Variants in PIK3IP1 observed in about 807,000 individuals in gnomAD.
PIK3IP1 encodes the protein phosphoinositide-3-kinase interacting protein 1.
A neutral mutation model predicts 30.7 loss-of-function variants in PIK3IP1; 28 were observed. The ratio of observed to expected loss-of-function variants is 0.91; its 90% CI spans 0.68 to 1.25. The LOEUF (loss-of-function observed/expected upper bound fraction) is 1.25. PIK3IP1 is among the 50% of genes most tolerant of loss of function. The probability of loss-of-function intolerance (pLI) is 0.00; values close to 1 mark genes in which losing one functional copy is unlikely to be tolerated. For missense variants in PIK3IP1, 333 were observed against 346.2 expected (o/e 0.96, Z 0.30); for synonymous variants, 159 against 140.8 (o/e 1.13, Z -0.91).
At chr22:31,290,766 C>A in intron 3 of PIK3IP1, 199 bp downstream of exon 3, 1 of 739,918 alleles carries the variant, frequency 1.4e-6, no homozygotes, top group South Asian at 2.4e-5. Context: ...CAAGCGCTCG[C>A]GGCGGATGAG....
In PIK3IP1 at chr22:31,289,536, C is replaced by T. The variant is rs1190774820; in HGVS notation, c.471G>A (p.Arg157=). 1.9e-6 allele frequency: 3 copies of T among 1,547,578 alleles called. No homozygotes were observed. Among genetic ancestry groups the T allele is most frequent in the Non-Finnish European group, 2.6e-6 (3 of 1,143,938 alleles). ...GGTCCTTTTTCTCCTTGGAGTTCAT[C>T]CGCACCCGCTGGCTGATCCCAATCA... The part of the protein sequence containing the change: ...QPVIGISQRV[R]MNSKEKKDLG... Residue 157 remains arginine (R), a synonymous_variant, in exon 4 of 6, where the codon CGG becomes CGA. Coordinates refer to ENST00000215912, the MANE Select transcript of PIK3IP1 (RefSeq NM_052880.5).
chr22:31,289,059 A>C (rs961980041), intron 5 of PIK3IP1: 5 of 580,708 alleles, frequency 8.6e-6, no homozygotes, highest in Non-Finnish European at 1.5e-5. Context: ...TGTGACTTTG[A>C]GCAAGTCTCT....
At chr22:31,285,774 A>G (rs1409752984) in intron 5 of PIK3IP1, among the ~76,000 whole-genome samples, 2 of 152,222 alleles carry the variant, frequency 1.3e-5, no homozygotes, top group Non-Finnish European at 2.9e-5. Context: ...CCTCAGACAT[A>G]CATTACTAGC....
intron 5 of PIK3IP1, among the ~76,000 whole-genome samples, chr22:31,286,137 T>C (rs1167969115): frequency 1.3e-5 from 2 of 151,194 alleles, no homozygotes; most frequent in African/African-American, 4.9e-5. Context: ...AGCGAGACTC[T>C]GTCTCAAAAA....
intron 5 of PIK3IP1, among the ~76,000 whole-genome samples, 197 bp from the exon 6 acceptor site, chr22:31,283,485 C>T (rs115090746): frequency 3.7e-4 from 57 of 152,298 alleles, no homozygotes; most frequent in African/African-American, 1.3e-3. Context: ...CAACAAGAAG[C>T]TCCTGCACCT....
At chr22:31,289,019 C>T (rs1359828059) in intron 5 of PIK3IP1, 2 of 521,200 alleles carry the variant, frequency 3.8e-6, no homozygotes, top group African/African-American at 3.8e-5. Context: ...AGAGCTGGGT[C>T]TGAATCCAGG....
At chr22:31,284,981 C>G (rs1753750047) in intron 5 of PIK3IP1, among the ~76,000 whole-genome samples, 2 of 152,094 alleles carry the variant, frequency 1.3e-5, no homozygotes, top group South Asian at 4.1e-4. Context: ...GAGCTCAAGG[C>G]TTACAGTACC....
intron 5 of PIK3IP1, among the ~76,000 whole-genome samples, chr22:31,285,253 C>G (rs1451832210): frequency 6.6e-6 from 1 of 152,124 alleles, no homozygotes; most frequent in Non-Finnish European, 1.5e-5. Context: ...ACAAGAGCAG[C>G]CAACATTTAT....
chr22:31,284,899 C>G (rs915918613), intron 5 of PIK3IP1, among the ~76,000 whole-genome samples: 2 of 151,638 alleles, frequency 1.3e-5, no homozygotes, highest in African/African-American at 4.8e-5. Context: ...TAAGAGGAAG[C>G]CTGGTGCCTG....
chr22:31,291,083 CCCT>C lies in PIK3IP1; in HGVS notation c.188-2_188del. ...TTCGGCAGTAACTGTGATTGCCGGC[CCCT>C]AAGAGAGGAGAGAAGGAAATGTGTG... On this transcript the variant is annotated splice_acceptor_variant and coding_sequence_variant, in exon 3 of 6. Transcript: ENST00000215912. LOFTEE classifies it high-confidence loss of function. 6.4e-7 allele frequency: 1 copy of C among 1,551,996 alleles called. No homozygotes were observed. The highest frequency in any genetic ancestry group is 8.7e-7 in the Non-Finnish European group (1 of 1,147,502).
intron 1 of PIK3IP1, among the ~76,000 whole-genome samples, 162 bp downstream of exon 1, chr22:31,292,113 C>T (rs1335399831): frequency 6.6e-6 from 1 of 152,216 alleles, no homozygotes; most frequent in African/African-American, 2.4e-5. Context: ...GATGGAGCTG[C>T]AAGCCCCTGA....
intron 4 of PIK3IP1, 43 bp from the exon 5 acceptor site, chr22:31,289,436 A>C: frequency 6.4e-7 from 1 of 1,569,540 alleles, no homozygotes; most frequent in Non-Finnish European, 8.6e-7. Context: ...CACACCCTAG[A>C]CAATCAGCAA....
At chr22:31,289,840 C>A in intron 3 of PIK3IP1, 141 bp from the exon 4 acceptor site, 1 of 860,776 alleles carries the variant, frequency 1.2e-6, no homozygotes, top group Non-Finnish European at 1.8e-6. Flanking sequence ...TCAAATTCTG[C>A]CCCAGAGGTA....
At chr22:31,284,725 C>T (rs2049118654) in intron 5 of PIK3IP1, among the ~76,000 whole-genome samples, 1 of 152,170 alleles carries the variant, frequency 6.6e-6, no homozygotes, top group African/African-American at 2.4e-5. Flanking sequence ...GTTTTTCCCT[C>T]CCCTTTTTAT....
intron 5 of PIK3IP1, among the ~76,000 whole-genome samples, chr22:31,286,960 T>C (rs1189401915): frequency 1.3e-5 from 2 of 151,754 alleles, no homozygotes; most frequent in East Asian, 3.9e-4. Flanking sequence ...TTTCCCTCTC[T>C]GGACCTCTGC....
At chr22:31,283,935 G>A (rs193254487) in intron 5 of PIK3IP1, among the ~76,000 whole-genome samples, 16 of 151,674 alleles carry the variant, frequency 1.1e-4, no homozygotes, top group Admixed American at 8.5e-4. Context: ...ATGGAGTTTC[G>A]TGCTTTTTGC....
Position 31,283,032 on chromosome 22 carries a change from G to T in PIK3IP1, c.*52C>A. ...TGGTAGTTCCTCCTAGCTGTAGGAG[G>T]GTGGGCTGTCCTGCACCAGTGTCTG... is the stretch of plus-strand genomic sequence containing the variant. On this transcript the variant is annotated 3_prime_UTR_variant, in exon 6 of 6. Coordinates refer to ENST00000215912, the MANE Select transcript of PIK3IP1 (RefSeq NM_052880.5). The T allele has an allele frequency of 7.1e-7, 1 of 1,403,628 alleles. No homozygotes were observed. Among genetic ancestry groups the T allele is most frequent in the South Asian group, 1.2e-5 (1 of 81,048 alleles). 86.9% of individuals were successfully genotyped at this position (1,403,628 alleles called of 1,614,324 possible).
chr22:31,287,132 C>T (rs1445122970), intron 5 of PIK3IP1, among the ~76,000 whole-genome samples: 4 of 145,984 alleles, frequency 2.7e-5, no homozygotes, highest in African/African-American at 1.0e-4. Context: ...ATCCTCCCAT[C>T]TCAGCCTCCT....
intron 5 of PIK3IP1, 72 bp from the exon 6 acceptor site, chr22:31,283,360 T>TAGTTTGTTGAATTTTTTTTATCATTAAA: frequency 6.6e-7 from 1 of 1,508,346 alleles, no homozygotes; most frequent in East Asian, 2.3e-5. Flanking sequence ...ATAGCATCCC[T>TAGTTTGTTGAATTTTTTTTATCATTAAA]GAGGCTCAGC....
Sources: gnomAD v4.1 joint callset for allele counts (sites outside exome capture counted in the v4.1 genomes callset) on GRCh38, gnomAD v4.1.1 for gene constraint, MANE v1.5 for transcripts, NCBI Gene and HGNC (gene_info 2026-07-23, HGNC 2026-07-21) for gene names.